MYT1L: variants seen among roughly 807,000 people sequenced by gnomAD.
The protein encoded by MYT1L is myelin transcription factor 1 like, also known as myelin transcription factor 1-like protein.
In MYT1L, 12 loss-of-function variants were observed where a neutral mutation model predicts 126.7. The observed-to-expected ratio is 0.09, with a 90% CI of 0.06 to 0.15. MYT1L has a LOEUF of 0.15. MYT1L is among the 10% of genes least tolerant of loss of function. The probability of loss-of-function intolerance (pLI) is 1.00; values close to 1 mark genes in which losing one functional copy is unlikely to be tolerated. For missense variants in MYT1L, 979 were observed against 1,585.2 expected (o/e 0.62, Z 6.49); for synonymous variants, 541 against 604.2 (o/e 0.90, Z 1.53).
In MYT1L at chr2:1,910,215, CG is replaced by C. The variant is rs1558363904; in HGVS notation, c.1817+24del. The C allele has an allele frequency of 1.2e-6, 2 of 1,601,206 alleles. No homozygotes were observed. The highest frequency in any genetic ancestry group is 1.3e-5 in the African/African-American group (1 of 74,852). ...TGGGGCAGACTATGGATAGAGCTCACGGATGGTGCACTCCTGCTGGGTACCT... is the reference window on the plus strand; with the variant it reads ...TGGGGCAGACTATGGATAGAGCTCACGATGGTGCACTCCTGCTGGGTACCT... On this transcript the variant is annotated intron_variant, in intron 13 of 24. Coordinates refer to ENST00000647738, the MANE Select transcript of MYT1L (RefSeq NM_001303052.2). This position sits in a 1 kb window ranked among gnomAD's most constrained non-coding sequence, Gnocchi z 4.8.
intron 4 of MYT1L, among the ~76,000 whole-genome samples, chr2:2,023,408 G>A (rs1034186215): frequency 2.0e-5 from 3 of 152,212 alleles, no homozygotes; most frequent in Admixed American, 6.5e-5. Context: ...GCTGGCCTGC[G>A]TGTGTGAAGA....
chr2:2,220,850 TA>T (rs112426092), intron 2 of MYT1L, among the ~76,000 whole-genome samples: 169 of 152,094 alleles, frequency 1.1e-3, no homozygotes, highest in African/African-American at 3.9e-3. Context: ...GTGGGCAAGA[TA>T]AAAAAATCAA....
rs79241150 is a variant in MYT1L at position 1,901,520 on chromosome 2, T to C, written c.2032+1560A>G. ...CACTCCTTTTATCCATTTATGTCTG[T>C]TTCTGACCAATATATGATACCTCCA... On this transcript the variant is annotated intron_variant, in intron 14 of 24. Coordinates refer to ENST00000647738, the MANE Select transcript of MYT1L (RefSeq NM_001303052.2). Among the ~76,000 whole-genome samples, 1,036 of 152,330 alleles carry C rather than the reference T, an allele frequency of 6.8e-3. 10 individuals are homozygous for C. The highest frequency in any genetic ancestry group is 0.024 in the African/African-American group (995 of 41,566).
Position 2,094,148 on chromosome 2 carries a change from G to A in MYT1L, c.-303-40025C>T, listed in dbSNP as rs557065561. Among the ~76,000 whole-genome samples the A allele has an allele frequency of 3.9e-5, 6 of 152,236 alleles. No individual in the cohort carries two copies. In the South Asian group the frequency reaches 1.2e-3, roughly 32 times the overall value. On this transcript the variant is annotated intron_variant, in intron 3 of 24. Coordinates refer to ENST00000647738, the MANE Select transcript of MYT1L (RefSeq NM_001303052.2). ...GTGATGCTTCCAGCTTTGTTCTTTT[G>A]GCTTAGGATTGACTTGGCAATGCTT... is the stretch of plus-strand genomic sequence containing the variant.
At chr2:1,813,971 G>A (rs1480737492) in intron 21 of MYT1L, among the ~76,000 whole-genome samples, 1 of 136,490 alleles carries the variant, frequency 7.3e-6, no homozygotes, top group Non-Finnish European at 1.6e-5. Flanking sequence ...AGCTTGCAGT[G>A]AGCCGAGATC....
intron 3 of MYT1L, among the ~76,000 whole-genome samples, chr2:2,162,397 AAGG>A (rs528372985): frequency 1.3e-5 from 2 of 151,758 alleles, no homozygotes; most frequent in African/African-American, 2.4e-5. Context: ...GTCCACAGAG[AAGG>A]AGGTCGGGCA....
At chr2:2,116,712 G>GC (rs1559058436) in intron 3 of MYT1L, among the ~76,000 whole-genome samples, 1 of 152,202 alleles carries the variant, frequency 6.6e-6, no homozygotes, top group Non-Finnish European at 1.5e-5. Context: ...TGGAAGATCC[G>GC]CCCCCGGGAA....
At chr2:2,173,913 A>C (rs1426942476) in intron 2 of MYT1L, among the ~76,000 whole-genome samples, 2 of 152,230 alleles carry the variant, frequency 1.3e-5, no homozygotes, top group Non-Finnish European at 2.9e-5. Flanking sequence ...TCCCGCCTGT[A>C]ATAAGATGAT....
chr2:1,966,743 T>C (rs2059392208), intron 8 of MYT1L, among the ~76,000 whole-genome samples: 1 of 151,550 alleles, frequency 6.6e-6, no homozygotes, highest in Non-Finnish European at 1.5e-5. Context: ...TTAATGGGTA[T>C]TTGGAAACAA....
At chr2:1,866,592 A>G (rs1321468351) in intron 18 of MYT1L, among the ~76,000 whole-genome samples, 1 of 119,208 alleles carries the variant, frequency 8.4e-6, no homozygotes. Context: ...GCAGGCAGAG[A>G]GAGAGGGAGA....
At chr2:2,312,681 C>T (rs1347613450) in intron 1 of MYT1L, among the ~76,000 whole-genome samples, 1 of 152,116 alleles carries the variant, frequency 6.6e-6, no homozygotes, top group African/African-American at 2.4e-5. Context: ...TCATTCTATG[C>T]TTTCTACCCC....
chr2:2,251,570 A>T (rs1468374144), intron 2 of MYT1L, among the ~76,000 whole-genome samples: 2 of 152,172 alleles, frequency 1.3e-5, no homozygotes, highest in Non-Finnish European at 2.9e-5. Context: ...TGCACCCAGT[A>T]GGCACCTGGA....
intron 2 of MYT1L, among the ~76,000 whole-genome samples, chr2:2,206,233 C>T (rs1461717552): frequency 1.3e-5 from 2 of 152,152 alleles, no homozygotes; most frequent in Non-Finnish European, 2.9e-5. Flanking sequence ...TGGCCTCTGC[C>T]TCCCAAAGTG....
At chr2:2,144,747 G>A (rs929489561) in intron 3 of MYT1L, among the ~76,000 whole-genome samples, 8 of 152,234 alleles carry the variant, frequency 5.3e-5, no homozygotes, top group East Asian at 3.9e-4. Flanking sequence ...GAGCTAGAAC[G>A]TTTACAATGT....
chr2:1,891,789 C>T (rs770005697), intron 15 of MYT1L, among the ~76,000 whole-genome samples: 6 of 152,238 alleles, frequency 3.9e-5, no homozygotes, highest in Non-Finnish European at 8.8e-5. Flanking sequence ...AGGATCCATT[C>T]ACGCACGTTC....
intron 3 of MYT1L, among the ~76,000 whole-genome samples, chr2:2,089,803 C>T (rs559815431): frequency 6.6e-6 from 1 of 152,122 alleles, no homozygotes; most frequent in Non-Finnish European, 1.5e-5. Flanking sequence ...TCCTCTCTCC[C>T]CTCTCTATCT....
rs544651630 is a variant in MYT1L at position 2,136,296 on chromosome 2, C to A, written c.-304+36576G>T. 9.9e-5 allele frequency among the ~76,000 whole-genome samples: 15 copies of A among 152,284 alleles called. No homozygotes were observed. The South Asian group carries it at 2.5e-3, about 25-fold the overall frequency. On this transcript the variant is annotated intron_variant, in intron 3 of 24. Transcript: ENST00000647738. Reference sequence around the variant, plus strand: ...AACTGCATATTCCAGCATACAGATGCCTTTGTGGTTTGAAAGAGTTAATAT... The same window carrying A: ...AACTGCATATTCCAGCATACAGATGACTTTGTGGTTTGAAAGAGTTAATAT...
chr2:2,186,992 A>AT (rs745959195), intron 2 of MYT1L, among the ~76,000 whole-genome samples: 9 of 152,138 alleles, frequency 5.9e-5, no homozygotes, highest in Non-Finnish European at 1.3e-4. Context: ...AAAATAAAGA[A>AT]TTTTTTTCTA....
At position 1,903,065 on chromosome 2, in the gene MYT1L, G is replaced by A; in HGVS notation, c.2032+15C>T. 1 of 1,603,408 alleles carries A rather than the reference G, an allele frequency of 6.2e-7. No individual in the cohort carries two copies. ...GGCAACGTGTCTCTCATGTATAAGA[G>A]TGTGCACCTCCTACCATCATCATAT... On this transcript the variant is annotated intron_variant, in intron 14 of 24. Coordinates refer to ENST00000647738, the MANE Select transcript of MYT1L (RefSeq NM_001303052.2).
Sources: allele counts gnomAD v4.1 joint callset (sites outside exome capture counted in the v4.1 genomes callset), GRCh38; gene constraint gnomAD v4.1.1; non-coding constraint Gnocchi (gnomAD v3.1); transcripts MANE v1.5; gene names NCBI Gene and HGNC (gene_info 2026-07-23, HGNC 2026-07-21).